The following XKR4 variants were observed in gnomAD, a reference collection of about 807,000 sequenced individuals.
XKR4 encodes the protein XK related 4.
Under a neutral mutation model 53.9 loss-of-function variants are expected in XKR4, and 12 were observed. That is an observed-to-expected ratio of 0.22 (90% confidence interval 0.14 to 0.36). The LOEUF is 0.36. Among genes scored for constraint, XKR4 ranks in the 10% least tolerant of loss-of-function variants. The pLI is 1.00. For synonymous variants in XKR4, 354 were observed against 362.4 expected, an observed-to-expected ratio of 0.98 and a Z score of 0.26; for missense variants, 799 against 859.5, an observed-to-expected ratio of 0.93 and a Z score of 0.88.
At chr8:55,451,939 C>T in intron 2 of XKR4, 1 of 771,154 alleles carries the variant, frequency 1.3e-6, no homozygotes, top group African/African-American at 1.7e-5. Flanking sequence ...GGGCGGCTGG[C>T]TCCAGTGCTC....
At chr8:55,247,164 T>C (rs1818296341) in intron 1 of XKR4, among the ~76,000 whole-genome samples, 1 of 152,020 alleles carries the variant, frequency 6.6e-6, no homozygotes, top group South Asian at 2.1e-4. Context: ...GCAGGGGGAG[T>C]TCTGAAAGTG....
rs115987558 is a variant in XKR4 at position 55,474,012 on chromosome 8, C to T, written c.1007-49269C>T. 5.9e-3 allele frequency among the ~76,000 whole-genome samples: 901 copies of T among 152,142 alleles called. 13 individuals carry two copies. The highest frequency in any genetic ancestry group is 0.02 in the African/African-American group (840 of 41,442). On this transcript the variant is annotated intron_variant, in intron 2 of 2. Transcript: ENST00000327381. Reference sequence around the variant, plus strand: ...CCTCCAACACCTGGGCTCCAGTGATCTCCTGCCTCAGGCTCTCCAGTAGCT... The same window carrying T: ...CCTCCAACACCTGGGCTCCAGTGATTTCCTGCCTCAGGCTCTCCAGTAGCT...
chr8:55,299,427 G>A (rs113506295), intron 1 of XKR4, among the ~76,000 whole-genome samples: 2,141 of 152,286 alleles, frequency 0.014, 38 homozygotes, highest in African/African-American at 0.044. Flanking sequence ...CCAGGGTCAG[G>A]TGCTGAAGGG....
chr8:55,200,069 C>A (rs1474877390), intron 1 of XKR4, among the ~76,000 whole-genome samples: 3 of 152,040 alleles, frequency 2.0e-5, no homozygotes, highest in Non-Finnish European at 1.5e-5. Flanking sequence ...AATCTGTATC[C>A]TTTTTTCTTT....
At chr8:55,141,242 C>T (rs548656923) in intron 1 of XKR4, among the ~76,000 whole-genome samples, 6 of 152,326 alleles carry the variant, frequency 3.9e-5, no homozygotes, top group African/African-American at 1.4e-4. Flanking sequence ...AGCAGCCTGG[C>T]TGTCGCAGGA....
chr8:55,509,563 G>C (rs537366797), intron 2 of XKR4, among the ~76,000 whole-genome samples: 39 of 152,314 alleles, frequency 2.6e-4, no homozygotes, highest in South Asian at 1.9e-3. Context: ...CTGTTCCTAG[G>C]AGTGTGTATG....
chr8:55,109,769 G>A (rs976274783), intron 1 of XKR4, among the ~76,000 whole-genome samples: 8 of 152,142 alleles, frequency 5.3e-5, no homozygotes, highest in Non-Finnish European at 1.0e-4. Flanking sequence ...TGTAGCATCT[G>A]TATACATGTA....
In XKR4 at chr8:55,524,730, T is replaced by C. The variant is rs986328006; in HGVS notation, c.*503T>C. On this transcript the variant is annotated 3_prime_UTR_variant, in exon 3 of 3. Transcript: ENST00000327381. ...AAACAAAGAAAGAGGGAAACATCCC[T>C]CGAGAAAAAAAATAGTATTGCTTAG... 1.3e-5 allele frequency: 2 copies of C among 152,950 alleles called. No individual in the cohort carries two copies. The highest frequency in any genetic ancestry group is 4.8e-5 in the African/African-American group (2 of 41,436). The allele number at this position is 152,950 out of a possible 1,614,324, so 9.5% of individuals were successfully genotyped here.
At chr8:55,416,423 C>A (rs552559384) in intron 2 of XKR4, among the ~76,000 whole-genome samples, 48 of 152,230 alleles carry the variant, frequency 3.2e-4, no homozygotes, top group African/African-American at 1.1e-3. Context: ...AGTTCCATAC[C>A]CTGTGTGAAC....
At chr8:55,366,465 A>G (rs948607998) in intron 2 of XKR4, among the ~76,000 whole-genome samples, 1 of 152,206 alleles carries the variant, frequency 6.6e-6, no homozygotes, top group African/African-American at 2.4e-5. Context: ...CGAGTCTGGC[A>G]ACTGACATGT....
chr8:55,155,906 G>T (rs927338908), intron 1 of XKR4, among the ~76,000 whole-genome samples: 3 of 152,142 alleles, frequency 2.0e-5, no homozygotes, highest in Non-Finnish European at 4.4e-5. Flanking sequence ...TCTATATTTA[G>T]CCAATTTATC....
intron 1 of XKR4, among the ~76,000 whole-genome samples, chr8:55,248,308 T>G (rs1818317385): frequency 6.6e-6 from 1 of 152,222 alleles, no homozygotes; most frequent in Non-Finnish European, 1.5e-5. Flanking sequence ...GCTTTCTAAA[T>G]AGCTGATTCA....
chr8:55,498,110 A>T (rs1291998628), intron 2 of XKR4, among the ~76,000 whole-genome samples: 3 of 152,162 alleles, frequency 2.0e-5, no homozygotes, highest in African/African-American at 7.2e-5. Flanking sequence ...CTTAATAATA[A>T]AATATCTCTG....
chr8:55,458,778 T>C (rs1407016841), intron 2 of XKR4, among the ~76,000 whole-genome samples: 1 of 152,190 alleles, frequency 6.6e-6, no homozygotes, highest in Non-Finnish European at 1.5e-5. Context: ...CTGCTTCTCT[T>C]CTCTCCTTTT....
chr8:55,244,657 G>A (rs1463088998), intron 1 of XKR4, among the ~76,000 whole-genome samples: 1 of 152,108 alleles, frequency 6.6e-6, no homozygotes, highest in Admixed American at 6.6e-5. Context: ...TTCCATAATG[G>A]CAGAACTAAT....
intron 2 of XKR4, among the ~76,000 whole-genome samples, chr8:55,394,640 T>C (rs868247108): frequency 6.6e-6 from 1 of 152,190 alleles, no homozygotes; most frequent in Non-Finnish European, 1.5e-5. Context: ...AGCATGCTCA[T>C]AAAGAGAGTT....
intron 1 of XKR4, among the ~76,000 whole-genome samples, chr8:55,170,210 AT>A (rs1393649870): frequency 2.6e-5 from 4 of 152,188 alleles, no homozygotes; most frequent in African/African-American, 9.7e-5. Context: ...ATATATTCGT[AT>A]CCTAATGCCT....
At chr8:55,463,540 A>T (rs893606074) in intron 2 of XKR4, among the ~76,000 whole-genome samples, 5 of 152,154 alleles carry the variant, frequency 3.3e-5, no homozygotes, top group Middle Eastern at 3.4e-3. Context: ...TCGAAAATTG[A>T]CACCCTAACA....
At chr8:55,166,237 T>C (rs150623893) in intron 1 of XKR4, among the ~76,000 whole-genome samples, 1 of 152,234 alleles carries the variant, frequency 6.6e-6, no homozygotes, top group African/African-American at 2.4e-5. Flanking sequence ...GGTATATTCT[T>C]TTCTTTTGCC....
Sources: gnomAD v4.1 joint callset for allele counts (sites outside exome capture counted in the v4.1 genomes callset) on GRCh38, gnomAD v4.1.1 for gene constraint, MANE v1.5 for transcripts, NCBI Gene and HGNC (gene_info 2026-07-23, HGNC 2026-07-21) for gene names.